Variants in OSBPL6 observed in about 807,000 individuals in gnomAD.
OSBPL6 encodes the protein oxysterol-binding protein-related protein 6.
In OSBPL6, 49 loss-of-function variants were observed where a neutral mutation model predicts 125.8. The ratio of observed to expected loss-of-function variants is 0.39; its 90% confidence interval spans 0.31 to 0.49. The LOEUF (loss-of-function observed/expected upper bound fraction) is 0.49, where lower values mean the gene tolerates loss of function less well. Ranked by LOEUF, OSBPL6 falls within the 20% of genes least tolerant of loss-of-function variation. The pLI is 0.88. For synonymous variants in OSBPL6, 394 were observed against 391.8 expected (o/e 1.01, Z -0.07); for missense variants, 986 against 1,135.4 (o/e 0.87, Z 1.89).
rs779035525 is a variant in OSBPL6, at chr2:178,336,348, T to TA, written c.706dup (p.Ser236LysfsTer12). 6.2e-7 allele frequency: 1 copy of TA among 1,614,080 alleles called. No individual in the cohort carries two copies. Among genetic ancestry groups the TA allele is most frequent in the Non-Finnish European group, 8.5e-7 (1 of 1,179,980 alleles). On this transcript the variant is annotated frameshift_variant, in exon 9 of 25. Coordinates refer to ENST00000190611, the MANE Select transcript of OSBPL6 (RefSeq NM_032523.4). LOFTEE classifies it high-confidence loss of function. ...GGCAGTCCCCTTTACCATGCAGCAA[T>TA]AGCCTCCCTGCAACGTGCACAACTG...
intron 1 of OSBPL6, among the ~76,000 whole-genome samples, chr2:178,243,853 AT>A (rs2091390183): frequency 6.6e-6 from 1 of 151,708 alleles, no homozygotes; most frequent in Non-Finnish European, 1.5e-5. Flanking sequence ...GGGTTTCACT[AT>A]GTTGGCCAGG....
intron 1 of OSBPL6, among the ~76,000 whole-genome samples, chr2:178,282,397 C>G (rs1310863069): frequency 1.3e-5 from 2 of 152,106 alleles, no homozygotes; most frequent in East Asian, 3.9e-4. Flanking sequence ...GGAAAGGAAG[C>G]CTTAATCTTA....
chr2:178,317,437 C>CATATATAT lies in OSBPL6; in HGVS notation c.103-6704_103-6697dup, dbSNP rs6147046. Among the ~76,000 whole-genome samples, 609 of 106,826 alleles carry CATATATAT rather than the reference C, an allele frequency of 5.7e-3. 11 individuals carry two copies. The highest frequency in any genetic ancestry group is 8.4e-3 in the Non-Finnish European group (458 of 54,620). 70.1% of individuals were successfully genotyped at this position (106,826 alleles called of 152,430 possible). On this transcript the variant is annotated intron_variant, in intron 3 of 24. Transcript: ENST00000190611. ...TATGTCGCAGCAGAAACTTAGACAC[C>CATATATAT]ATATATATATATATATATATATATA...
intron 11 of OSBPL6, among the ~76,000 whole-genome samples, chr2:178,341,144 G>A (rs1690156255): frequency 6.6e-6 from 1 of 152,144 alleles, no homozygotes; most frequent in African/African-American, 2.4e-5. Flanking sequence ...AAGAAGGCCT[G>A]CATCACAAGA....
At chr2:178,331,119 T>C (rs1689159272) in intron 5 of OSBPL6, among the ~76,000 whole-genome samples, 1 of 152,222 alleles carries the variant, frequency 6.6e-6, no homozygotes, top group Non-Finnish European at 1.5e-5. Flanking sequence ...TTTTCAGGAA[T>C]TGTCTGTGGT....
At chr2:178,275,990 C>T (rs1321769718) in intron 1 of OSBPL6, among the ~76,000 whole-genome samples, 1 of 152,172 alleles carries the variant, frequency 6.6e-6, no homozygotes, top group African/African-American at 2.4e-5. Flanking sequence ...GGTAAATTAG[C>T]AGTAGCATTG....
In OSBPL6 at chr2:178,253,767, C is replaced by T. The variant is rs368494077; in HGVS notation, c.-350-31160C>T. On this transcript the variant is annotated intron_variant, in intron 1 of 24. Transcript: ENST00000190611. Reference sequence around the variant, plus strand: ...GTTGCCCAGTTTTGCAAATAAAATACTGGACACTGCTAGGGATTGAATGTT... The same window carrying T: ...GTTGCCCAGTTTTGCAAATAAAATATTGGACACTGCTAGGGATTGAATGTT... Among the ~76,000 whole-genome samples, 15 of 152,236 alleles carry T rather than the reference C, an allele frequency of 9.9e-5. No individual in the cohort carries two copies. The East Asian group carries it at 1.2e-3, about 12-fold the overall frequency.
intron 1 of OSBPL6, among the ~76,000 whole-genome samples, chr2:178,211,440 T>C (rs2153955808): frequency 6.6e-6 from 1 of 152,312 alleles, no homozygotes; most frequent in South Asian, 2.1e-4. Context: ...TGGTCTTTGA[T>C]TAATATCTGA....
intron 1 of OSBPL6, among the ~76,000 whole-genome samples, chr2:178,231,485 T>C (rs377377839): frequency 1.3e-5 from 2 of 152,140 alleles, no homozygotes; most frequent in East Asian, 3.9e-4. Flanking sequence ...GGCTGCTCTT[T>C]GTTGGAAAAT....
At chr2:178,259,784 G>A (rs1210589866) in intron 1 of OSBPL6, among the ~76,000 whole-genome samples, 6 of 152,198 alleles carry the variant, frequency 3.9e-5, no homozygotes, top group African/African-American at 1.4e-4. Context: ...TCCAAAGAAA[G>A]TTTGCGGGCT....
At chr2:178,379,733 T>C (rs1694290467) in intron 15 of OSBPL6, among the ~76,000 whole-genome samples, 2 of 152,214 alleles carry the variant, frequency 1.3e-5, no homozygotes, top group Non-Finnish European at 2.9e-5. Flanking sequence ...TTCATGAGCC[T>C]GATGGTTTAA....
intron 2 of OSBPL6, among the ~76,000 whole-genome samples, chr2:178,293,254 A>C (rs1241829624): frequency 1.3e-5 from 2 of 152,198 alleles, no homozygotes; most frequent in Non-Finnish European, 2.9e-5. Context: ...TAGATTTACA[A>C]AGATGAAGAA....
chr2:178,348,309 A>G (rs1690923015), intron 11 of OSBPL6, among the ~76,000 whole-genome samples: 1 of 152,228 alleles, frequency 6.6e-6, no homozygotes, highest in South Asian at 2.1e-4. Flanking sequence ...CTTGAAGATA[A>G]TTGAATGCAC....
At chr2:178,349,471 T>C in intron 12 of OSBPL6, 82 bp downstream of exon 12, 2 of 1,478,516 alleles carry the variant, frequency 1.4e-6, no homozygotes, top group South Asian at 2.5e-5. Flanking sequence ...TCTTTGTCTT[T>C]GTGGTAATGA....
At position 178,401,751 on chromosome 2, in the gene OSBPL6, T is replaced by G. The variant is rs1021195275; in HGVS notation, c.*6192T>G. The G allele has an allele frequency of 6.6e-6, 1 of 152,260 alleles. No homozygotes were observed. The highest frequency in any genetic ancestry group is 2.4e-5 in the African/African-American group (1 of 41,464). 9.4% of individuals were successfully genotyped at this position (152,260 alleles called of 1,614,324 possible). A position where few individuals can be genotyped will look rare whatever the true frequency, so the allele number is the denominator to read the frequency against. Reference sequence around the variant, plus strand: ...TGATTCCTGAGTTTCCCTCCAAAGATTCTGAGTCCACAGATCTAGGGTGTG... The same window carrying G: ...TGATTCCTGAGTTTCCCTCCAAAGAGTCTGAGTCCACAGATCTAGGGTGTG... On this transcript the variant is annotated 3_prime_UTR_variant, in exon 25 of 25. Transcript: ENST00000190611.
chr2:178,242,719 T>A (rs2091340190), intron 1 of OSBPL6, among the ~76,000 whole-genome samples: 1 of 152,216 alleles, frequency 6.6e-6, no homozygotes, highest in African/African-American at 2.4e-5. Flanking sequence ...CATCTTGTAG[T>A]GCTTTTCAAA....
Position 178,401,288 on chromosome 2 carries a change from T to G in OSBPL6, c.*5729T>G, listed in dbSNP as rs1451208180. 6.6e-6 allele frequency: 1 copy of G among 152,230 alleles called. No individual in the cohort carries two copies. The highest frequency in any genetic ancestry group is 1.5e-5 in the Non-Finnish European group (1 of 68,040). The allele number at this position is 152,230 out of a possible 1,614,324, so 9.4% of individuals were successfully genotyped here. A position where few individuals can be genotyped will look rare whatever the true frequency, so the allele number is the denominator to read the frequency against. On this transcript the variant is annotated 3_prime_UTR_variant, in exon 25 of 25. Coordinates refer to ENST00000190611, the MANE Select transcript of OSBPL6 (RefSeq NM_032523.4). ...TCATCCCCCCACCCCAACCCCACTT[T>G]TGTGTCACAAACATTTGAAACACCC...
chr2:178,355,256 T>C lies in OSBPL6; in HGVS notation c.1153+5867T>C, dbSNP rs1185071571. 2.6e-5 allele frequency among the ~76,000 whole-genome samples: 4 copies of C among 151,702 alleles called. No homozygotes were observed. The East Asian group carries it at 5.8e-4, about 22-fold the overall frequency. Reference sequence around the variant, plus strand: ...AAGAGCAGTGCAGAACTGAAAGAGATAGAGACACAAAAAAACCCTTCAAAA... The same window carrying C: ...AAGAGCAGTGCAGAACTGAAAGAGACAGAGACACAAAAAAACCCTTCAAAA... On this transcript the variant is annotated intron_variant, in intron 12 of 24. Transcript: ENST00000190611.
Position 178,399,819 on chromosome 2 carries a change from T to C in OSBPL6, c.*4260T>C, listed in dbSNP as rs1313191823. ...GTACAGTTTCAGAGACATTCAATAT[T>C]GAAAACCACTTCAGTTAGCCTCCTA... On this transcript the variant is annotated 3_prime_UTR_variant, in exon 25 of 25. Coordinates refer to ENST00000190611, the MANE Select transcript of OSBPL6 (RefSeq NM_032523.4). 6.6e-6 allele frequency: 1 copy of C among 152,224 alleles called. No homozygotes were observed. Among genetic ancestry groups the C allele is most frequent in the Non-Finnish European group, 1.5e-5 (1 of 68,032 alleles). The allele number at this position is 152,224 out of a possible 1,614,324, so 9.4% of individuals were successfully genotyped here.
Sources: gnomAD v4.1 joint callset for allele counts (sites outside exome capture counted in the v4.1 genomes callset) on GRCh38, gnomAD v4.1.1 for gene constraint, MANE v1.5 for transcripts, NCBI Gene and HGNC (gene_info 2026-07-23, HGNC 2026-07-21) for gene names.